The following TENM3 variants were observed in gnomAD, a reference collection of about 807,000 sequenced individuals.
TENM3 encodes the protein teneurin transmembrane protein 3.
Under a neutral mutation model 255.1 loss-of-function variants are expected in TENM3, and 63 were observed. The ratio of observed to expected loss-of-function variants is 0.25; its 90% CI spans 0.20 to 0.30. TENM3 has a LOEUF of 0.30. Among genes scored for constraint, TENM3 ranks in the 10% least tolerant of loss-of-function variants. The pLI is 1.00. For synonymous variants in TENM3, 1,306 were observed against 1,322.3 expected, an observed-to-expected ratio of 0.99 and a Z score of 0.27; for missense variants, 2,929 against 3,461.1, an observed-to-expected ratio of 0.85 and a Z score of 3.86.
chr4:181,628,038 G>A, the TENM3 span, among the ~76,000 whole-genome samples: 5 of 152,172 alleles, frequency 3.3e-5, no homozygotes, highest in African/African-American at 1.2e-4. Context: ...ACTAACTGGT[G>A]TGAGATGGTA....
the TENM3 span, among the ~76,000 whole-genome samples, chr4:182,051,350 A>G: frequency 6.6e-6 from 1 of 150,662 alleles, no homozygotes; most frequent in African/African-American, 2.4e-5. Flanking sequence ...TCTCAAAAAA[A>G]AAAAGCAAAT....
At chr4:181,748,427 A>C in the TENM3 span, among the ~76,000 whole-genome samples, 2 of 152,126 alleles carry the variant, frequency 1.3e-5, no homozygotes, top group East Asian at 3.9e-4. Flanking sequence ...CAATAATAGA[A>C]CATAGAAAAG....
chr4:181,810,618 T>G, the TENM3 span, among the ~76,000 whole-genome samples: 1 of 151,972 alleles, frequency 6.6e-6, no homozygotes, highest in Non-Finnish European at 1.5e-5. Flanking sequence ...CCCTAAACAC[T>G]ACAGAGTATG....
the TENM3 span, among the ~76,000 whole-genome samples, chr4:181,576,286 T>C: frequency 6.6e-6 from 1 of 152,238 alleles, no homozygotes; most frequent in Admixed American, 6.5e-5. Flanking sequence ...TTTCATTCTT[T>C]TTTATAGCTG....
At chr4:182,582,780 T>G (rs1188048105) in intron 3 of TENM3, among the ~76,000 whole-genome samples, 2 of 152,198 alleles carry the variant, frequency 1.3e-5, no homozygotes, top group African/African-American at 4.8e-5. Flanking sequence ...GTTTTTAAAA[T>G]GAACTATTGC....
At chr4:182,542,331 T>C (rs1487939736) in intron 3 of TENM3, among the ~76,000 whole-genome samples, 1 of 152,158 alleles carries the variant, frequency 6.6e-6, no homozygotes, top group African/African-American at 2.4e-5. Flanking sequence ...GATTTTCCTT[T>C]GTTTCTGCCA....
At chr4:181,859,791 A>G in the TENM3 span, among the ~76,000 whole-genome samples, 1 of 152,302 alleles carries the variant, frequency 6.6e-6, no homozygotes, top group African/African-American at 2.4e-5. Context: ...GAATTGTCTA[A>G]ATACTACTTG....
chr4:182,081,957 C>G, the TENM3 span: 8 of 152,142 alleles, frequency 5.3e-5, no homozygotes, highest in Non-Finnish European at 1.5e-5. Context: ...ACCCTATTGA[C>G]AGAGTCATTT....
chr4:182,421,822 A>C (rs923931559), intron 3 of TENM3, among the ~76,000 whole-genome samples: 1 of 152,212 alleles, frequency 6.6e-6, no homozygotes, highest in Admixed American at 6.5e-5. Flanking sequence ...GTCCATACCA[A>C]CTAGCCAAAG....
At chr4:182,678,491 G>A (rs567963326) in intron 7 of TENM3, among the ~76,000 whole-genome samples, 17 of 152,242 alleles carry the variant, frequency 1.1e-4, no homozygotes, top group East Asian at 3.9e-4. Context: ...AGCCCATGGC[G>A]TTCTCCATGG....
the TENM3 span, among the ~76,000 whole-genome samples, chr4:181,470,500 A>T: frequency 3.9e-5 from 6 of 152,178 alleles, no homozygotes; most frequent in Non-Finnish European, 1.5e-5. Flanking sequence ...GTGATATAGT[A>T]ACAAAATTCC....
intron 3 of TENM3, among the ~76,000 whole-genome samples, chr4:182,554,876 C>CA (rs1553984754): frequency 2.1e-5 from 3 of 143,818 alleles, no homozygotes; most frequent in Non-Finnish European, 4.6e-5. Context: ...TCCTTTTAAG[C>CA]TTTTTTTTTT....
chr4:182,406,055 C>T (rs1311026539), intron 3 of TENM3, among the ~76,000 whole-genome samples: 1 of 152,170 alleles, frequency 6.6e-6, no homozygotes, highest in Non-Finnish European at 1.5e-5. Context: ...CCTGTAATCC[C>T]ACCACTTTGG....
chr4:182,424,937 G>A (rs1166357937), intron 3 of TENM3, among the ~76,000 whole-genome samples: 2 of 152,104 alleles, frequency 1.3e-5, no homozygotes, highest in Non-Finnish European at 2.9e-5. Context: ...GAACTATTAC[G>A]TAAAAACTGA....
chr4:181,535,199 C>G, the TENM3 span, among the ~76,000 whole-genome samples: 3 of 152,196 alleles, frequency 2.0e-5, no homozygotes, highest in African/African-American at 4.8e-5. Context: ...CATCTGCAGC[C>G]TCTTGCCGCT....
chr4:181,926,122 G>C, the TENM3 span, among the ~76,000 whole-genome samples: 1 of 152,142 alleles, frequency 6.6e-6, no homozygotes, highest in Non-Finnish European at 1.5e-5. Flanking sequence ...GTTTTGAAAA[G>C]TCTTTAAAAT....
At chr4:182,464,005 A>G (rs983261162) in intron 3 of TENM3, among the ~76,000 whole-genome samples, 6 of 152,156 alleles carry the variant, frequency 3.9e-5, no homozygotes, top group Non-Finnish European at 8.8e-5. Context: ...GGCTCTTATT[A>G]AGATTAATAC....
At chr4:181,943,776 A>G in the TENM3 span, among the ~76,000 whole-genome samples, 2 of 152,176 alleles carry the variant, frequency 1.3e-5, no homozygotes, top group South Asian at 4.1e-4. Context: ...CAGCTTCATC[A>G]TAGCCTGATC....
At chr4:182,670,853 G>C (rs1186721881) in intron 6 of TENM3, among the ~76,000 whole-genome samples, 1 of 152,074 alleles carries the variant, frequency 6.6e-6, no homozygotes, top group Non-Finnish European at 1.5e-5. Flanking sequence ...TGTGTTTGAG[G>C]CATCGAAATG....
Sources: gnomAD v4.1 joint callset for allele counts (sites outside exome capture counted in the v4.1 genomes callset) on GRCh38, gnomAD v4.1.1 for gene constraint, MANE v1.5 for transcripts, NCBI Gene and HGNC (gene_info 2026-07-23, HGNC 2026-07-21) for gene names.